CDKL5: variants seen among roughly 807,000 people sequenced by gnomAD.
The protein encoded by CDKL5 is cyclin-dependent kinase-like 5.
CDKL5 carries 8 observed loss-of-function variants against 61.7 expected under a neutral mutation model. That is an observed-to-expected ratio of 0.13 (90% CI 0.08 to 0.23). The LOEUF is 0.23. Among genes scored for constraint, CDKL5 ranks in the 10% least tolerant of loss-of-function variants. The pLI is 1.00. For synonymous variants in CDKL5, 275 were observed against 272.3 expected (o/e 1.01, Z -0.10); for missense variants, 440 against 734.5 (o/e 0.60, Z 4.63).
intron 3 of CDKL5, among the ~76,000 whole-genome samples, chrX:18,563,843 C>CT (rs1025644494): frequency 9.0e-6 from 1 of 111,565 alleles, no homozygotes; most frequent in Non-Finnish European, 1.9e-5. Context: ...CTTTCCAGCC[C>CT]TTGTTTTCTT....
intron 2 of CDKL5, among the ~76,000 whole-genome samples, chrX:18,509,201 A>ACACGCG (rs1555940213): frequency 1.6e-5 from 1 of 61,603 alleles, no homozygotes; most frequent in African/African-American, 6.3e-5. Flanking sequence ...AAACACGCAC[A>ACACGCG]CACACACACA....
intron 1 of CDKL5, among the ~76,000 whole-genome samples, chrX:18,499,398 TCGC>T (rs960258669): frequency 5.8e-5 from 6 of 103,244 alleles, no homozygotes; most frequent in Non-Finnish European, 1.2e-4. Flanking sequence ...TCTCGCTCTG[TCGC>T]CGAGGCTAGA....
At chrX:18,618,347 C>G (rs1052618276) in intron 15 of CDKL5, among the ~76,000 whole-genome samples, 1 of 111,764 alleles carries the variant, frequency 8.9e-6, no homozygotes, top group East Asian at 2.8e-4. Flanking sequence ...ACGTATAATT[C>G]TTTAACCTCT....
chrX:18,651,260 T>A (rs868799282), intron 21 of CDKL5, among the ~76,000 whole-genome samples: 1,076 of 81,443 alleles, frequency 0.013, 16 homozygotes, highest in African/African-American at 0.033. Flanking sequence ...TGTGTGTGTG[T>A]GTGTGAGAGA....
chrX:18,591,606 G>A (rs1257856506), intron 9 of CDKL5, among the ~76,000 whole-genome samples: 1 of 111,364 alleles, frequency 9.0e-6, no homozygotes, highest in Non-Finnish European at 1.9e-5. Flanking sequence ...ACTCTTTAGG[G>A]TAGCTTTAAA....
chrX:18,430,405 A>G (rs1285552843), intron 1 of CDKL5, among the ~76,000 whole-genome samples: 2 of 111,964 alleles, frequency 1.8e-5, no homozygotes, highest in African/African-American at 6.5e-5. Flanking sequence ...TGACCAGTGA[A>G]ATAAAATCTG....
At chrX:18,458,106 A>G (rs1318464896) in intron 1 of CDKL5, among the ~76,000 whole-genome samples, 2 of 106,812 alleles carry the variant, frequency 1.9e-5, no homozygotes, top group Admixed American at 2.0e-4. Flanking sequence ...TATTTTTAGT[A>G]GAGACAGGGT....
chrX:18,540,834 C>T (rs900049256), intron 3 of CDKL5, among the ~76,000 whole-genome samples: 5 of 108,861 alleles, frequency 4.6e-5, no homozygotes, highest in African/African-American at 1.0e-4. Context: ...ACTACAGACA[C>T]GCACCACCAC....
rs559606692 is a variant in CDKL5 at position 18,538,727 on chromosome X, T to C, written c.100-25750T>C. Among the ~76,000 whole-genome samples the C allele has an allele frequency of 1.3e-4, 14 of 111,833 alleles. No individual in the cohort carries two copies. The Middle Eastern group carries it at 0.014, about 110-fold the overall frequency. ...AGTTCCTTTTGCAGTGAAAAATCAG[T>C]TGGGCAGATTTGTGCATCTCTAATT... On this transcript the variant is annotated intron_variant, in intron 3 of 17. Transcript: ENST00000623535.
intron 3 of CDKL5, among the ~76,000 whole-genome samples, chrX:18,526,787 CTTT>C (rs751799416): frequency 9.8e-6 from 1 of 101,839 alleles, no homozygotes; most frequent in Non-Finnish European, 2.0e-5. Context: ...GCCTTTCTTT[CTTT>C]TTTTTTTTTT....
At chrX:18,487,097 C>T (rs188944810) in intron 1 of CDKL5, among the ~76,000 whole-genome samples, 1 of 112,093 alleles carries the variant, frequency 8.9e-6, no homozygotes, top group African/African-American at 3.2e-5. Context: ...ATATGAACAG[C>T]AAGCATGCCA....
In CDKL5 at chrX:18,632,419, T is replaced by C; in HGVS notation, c.*3662T>C. 1 of 754,401 alleles carries C rather than the reference T, an allele frequency of 1.3e-6. No individual in the cohort carries two copies. The allele number at this position is 754,401 out of a possible 1,213,427, so 62.2% of individuals were successfully genotyped here. On this transcript the variant is annotated 3_prime_UTR_variant, in exon 18 of 18. Transcript: ENST00000623535. The stretch of plus-strand genomic sequence containing the variant: ...CAAGCAACAGCCTGGCAGATTGGCA[T>C]GATTTTTACCAACTGCTCAAAGGCA...
At chrX:18,601,700 T>C (rs1926183682) in intron 11 of CDKL5, among the ~76,000 whole-genome samples, 1 of 112,267 alleles carries the variant, frequency 8.9e-6, no homozygotes, top group African/African-American at 3.2e-5. Flanking sequence ...TTACCTTAAC[T>C]GGATAACCTC....
At chrX:18,550,270 G>A (rs1008439170) in intron 3 of CDKL5, among the ~76,000 whole-genome samples, 4 of 111,575 alleles carry the variant, frequency 3.6e-5, no homozygotes, top group African/African-American at 9.8e-5. Flanking sequence ...GGGTCCACGC[G>A]TATAAGGAAC....
At chrX:18,532,935 A>G (rs1030412164) in intron 3 of CDKL5, among the ~76,000 whole-genome samples, 7 of 111,966 alleles carry the variant, frequency 6.3e-5, no homozygotes, top group African/African-American at 9.7e-5. Context: ...AATTAGCAGT[A>G]TATTTAAAGA....
At chrX:18,598,843 G>A (rs911088299) in intron 11 of CDKL5, among the ~76,000 whole-genome samples, 1 of 112,088 alleles carries the variant, frequency 8.9e-6, no homozygotes, top group Non-Finnish European at 1.9e-5. Context: ...GCATTCCCTG[G>A]GAAAGGTAGC....
rs766609074 is a variant in CDKL5, at chrX:18,639,677, C to T, written c.*10920C>T. On this transcript the variant is annotated 3_prime_UTR_variant, in exon 18 of 18. Coordinates refer to ENST00000623535, the MANE Select transcript of CDKL5 (RefSeq NM_001323289.2). ...CCCAAGATAAATGAAAACACACATC[C>T]GCACAAAAACTTATACACAAATGTT... 3.6e-5 allele frequency among the ~76,000 whole-genome samples: 4 copies of T among 111,998 alleles called. No homozygotes were observed. The highest frequency in any genetic ancestry group is 7.5e-5 in the Non-Finnish European group (4 of 53,231).
At chrX:18,613,093 TAAAAAA>T in intron 14 of CDKL5, 53 bp from the exon 15 acceptor site, 11 of 766,992 alleles carry the variant, frequency 1.4e-5, no homozygotes, top group East Asian at 6.6e-5. Flanking sequence ...AGACTCTGTC[TAAAAAA>T]AAAAAAAAAA....
At chrX:18,628,048 T>C (rs1927120276) in intron 17 of CDKL5, among the ~76,000 whole-genome samples, 1 of 111,632 alleles carries the variant, frequency 9.0e-6, no homozygotes, top group East Asian at 2.8e-4. Context: ...AACATACACC[T>C]TTTGCTTTCT....
Sources: gnomAD v4.1 joint callset for allele counts (sites outside exome capture counted in the v4.1 genomes callset) on GRCh38, gnomAD v4.1.1 for gene constraint, MANE v1.5 for transcripts, NCBI Gene and HGNC (gene_info 2026-07-23, HGNC 2026-07-21) for gene names.